The following RABEPK variants were observed in gnomAD, a reference collection of about 807,000 sequenced individuals.
The protein encoded by RABEPK is 40 kDa Rab9 effector protein.
Under a neutral mutation model 34.1 loss-of-function variants are expected in RABEPK, and 27 were observed. The ratio of observed to expected loss-of-function variants is 0.79; its 90% CI spans 0.58 to 1.09. The LOEUF (loss-of-function observed/expected upper bound fraction) is 1.09. Among genes scored for constraint, RABEPK ranks in the 50% least tolerant of loss-of-function variants. RABEPK has a pLI of 0.00. For missense variants in RABEPK, 449 were observed against 462.6 expected (o/e 0.97, Z 0.27); for synonymous variants, 172 against 169.2 (o/e 1.02, Z -0.13).
At chr9:125,215,449 A>G (rs550641415) in intron 4 of RABEPK, among the ~76,000 whole-genome samples, 2 of 152,026 alleles carry the variant, frequency 1.3e-5, no homozygotes, top group South Asian at 4.2e-4. Context: ...AGCTGGGACT[A>G]CAGGCGCTTG....
intron 4 of RABEPK, among the ~76,000 whole-genome samples, chr9:125,214,035 T>G (rs1426704058): frequency 6.6e-6 from 1 of 151,514 alleles, no homozygotes; most frequent in African/African-American, 2.4e-5. Context: ...GGCAGGAGAA[T>G]CGCTTGAACC....
At chr9:125,230,830 C>T (rs1228639970) in intron 6 of RABEPK, among the ~76,000 whole-genome samples, 3 of 151,822 alleles carry the variant, frequency 2.0e-5, no homozygotes, top group South Asian at 2.1e-4. Context: ...CCACTGCGCC[C>T]GGCCGACAGA....
Position 125,232,600 on chromosome 9 carries a change from C to A in RABEPK, c.681C>A (p.Asp227Glu). The change falls in exon 7 of 8, where the codon GAC becomes GAA. Residue 227 changes from aspartate to glutamate, a missense_variant. Asp to Glu is a conservative substitution (Grantham distance 45, BLOSUM62 2). Transcript: ENST00000373538. ...YDDLHCIDIS[D>E]MKWQKLNPTG... ...GCTCTTTCTTTCTCTTGGCAGGTGA[C>A]ATGAAATGGCAGAAGCTAAATCCCA... is the stretch of plus-strand genomic sequence containing the variant. 6.2e-7 allele frequency: 1 copy of A among 1,611,168 alleles called. No homozygotes were observed. The highest frequency in any genetic ancestry group is 8.5e-7 in the Non-Finnish European group (1 of 1,178,628).
At chr9:125,228,718 C>CT (rs1831954778) in intron 6 of RABEPK, among the ~76,000 whole-genome samples, 1 of 149,668 alleles carries the variant, frequency 6.7e-6, no homozygotes, top group African/African-American at 2.5e-5. Context: ...AATCCCAGCA[C>CT]TTTGGGAGGC....
intron 7 of RABEPK, among the ~76,000 whole-genome samples, chr9:125,233,215 C>T (rs1832333375): frequency 6.6e-6 from 1 of 151,642 alleles, no homozygotes. Context: ...AGGTTTTTTT[C>T]CTTTTACTCC....
chr9:125,228,138 T>A, intron 6 of RABEPK, 79 bp downstream of exon 6: 2 of 1,227,288 alleles, frequency 1.6e-6, no homozygotes, highest in Non-Finnish European at 2.1e-6. Context: ...GATCTCTGTC[T>A]GTCACTCAGG....
intron 6 of RABEPK, among the ~76,000 whole-genome samples, chr9:125,228,716 C>A (rs10986657): frequency 0.013 from 1,956 of 150,470 alleles, 104 homozygotes; most frequent in East Asian, 0.084. Flanking sequence ...GTAATCCCAG[C>A]ACTTTGGGAG....
At chr9:125,213,572 T>G in intron 4 of RABEPK, 50 bp downstream of exon 4, 2 of 1,430,694 alleles carry the variant, frequency 1.4e-6, no homozygotes, top group Non-Finnish European at 2.0e-6. Context: ...TAAACTTTCA[T>G]GCACACACAC....
At chr9:125,223,608 A>G (rs960860923) in intron 5 of RABEPK, among the ~76,000 whole-genome samples, 2 of 151,936 alleles carry the variant, frequency 1.3e-5, no homozygotes. Flanking sequence ...ACTCATGCCT[A>G]TAATCCCATC....
chr9:125,213,343 C>T (rs372428686), intron 3 of RABEPK, 27 bp from the exon 4 acceptor site: 7 of 1,602,940 alleles, frequency 4.4e-6, no homozygotes, highest in Non-Finnish European at 6.0e-6. Flanking sequence ...CAGCCCCAAT[C>T]TAGGAACTGG....
intron 5 of RABEPK, chr9:125,221,189 A>G (rs1831306921): frequency 6.6e-6 from 1 of 151,368 alleles, no homozygotes; most frequent in Non-Finnish European, 1.5e-5. Context: ...TAAATAAATA[A>G]ATAAATAAAT....
chr9:125,215,272 T>C (rs1263539583), intron 4 of RABEPK, among the ~76,000 whole-genome samples: 1 of 116,674 alleles, frequency 8.6e-6, no homozygotes, highest in Non-Finnish European at 1.7e-5. Context: ...GTTAATATAA[T>C]ATCATTTGTT....
intron 5 of RABEPK, among the ~76,000 whole-genome samples, chr9:125,226,437 A>C (rs1831754076): frequency 6.6e-6 from 1 of 152,148 alleles, no homozygotes; most frequent in Non-Finnish European, 1.5e-5. Context: ...AAATAAATAA[A>C]TAACAAGGCT....
In RABEPK at chr9:125,200,881, A is replaced by G; in HGVS notation, c.-32A>G. Reference sequence around the variant, plus strand: ...CCTAACTGAGCTCTGGACTTTGGGGACAGCTGTCAGTGGCCTAGGCCGCAG... The same window carrying G: ...CCTAACTGAGCTCTGGACTTTGGGGGCAGCTGTCAGTGGCCTAGGCCGCAG... On this transcript the variant is annotated 5_prime_UTR_variant, in exon 1 of 8. Transcript: ENST00000373538. 2.1e-6 allele frequency: 1 copy of G among 471,052 alleles called. No homozygotes were observed. The highest frequency in any genetic ancestry group is 4.4e-6 in the Non-Finnish European group (1 of 227,016). 29.2% of individuals were successfully genotyped at this position (471,052 alleles called of 1,614,324 possible). A position where few individuals can be genotyped will look rare whatever the true frequency, so the allele number is the denominator to read the frequency against.
At chr9:125,211,796 C>T (rs2131382177) in intron 3 of RABEPK, among the ~76,000 whole-genome samples, 1 of 152,224 alleles carries the variant, frequency 6.6e-6, no homozygotes, top group East Asian at 1.9e-4. Context: ...GGTGAAACCC[C>T]CATCTCTACT....
At chr9:125,212,458 A>G (rs1239742843) in intron 3 of RABEPK, among the ~76,000 whole-genome samples, 1 of 152,052 alleles carries the variant, frequency 6.6e-6, no homozygotes, top group East Asian at 1.9e-4. Flanking sequence ...TGACCTCATG[A>G]TCCGCCCACC....
In RABEPK at chr9:125,223,434, T is replaced by A. The variant is rs541530201; in HGVS notation, c.526+2734T>A. Among the ~76,000 whole-genome samples the A allele has an allele frequency of 2.6e-3, 401 of 152,198 alleles. 3 individuals carry two copies. Among genetic ancestry groups the A allele is most frequent in the African/African-American group, 9.4e-3 (390 of 41,552 alleles). ...TCACGCCACTGCACTCTAGCCTGGG[T>A]GACAGAGCAAGGCTCTGTCTCAAAA... On this transcript the variant is annotated intron_variant, in intron 5 of 7. Coordinates refer to ENST00000373538, the MANE Select transcript of RABEPK (RefSeq NM_005833.4).
intron 6 of RABEPK, among the ~76,000 whole-genome samples, chr9:125,228,678 A>AT (rs1831951388): frequency 6.7e-6 from 1 of 149,396 alleles, no homozygotes; most frequent in African/African-American, 2.5e-5. Context: ...GAAAAAAAAA[A>AT]AAAAGCCGGG....
chr9:125,217,976 T>G (rs879473604), intron 4 of RABEPK, among the ~76,000 whole-genome samples: 2 of 151,838 alleles, frequency 1.3e-5, no homozygotes, highest in African/African-American at 4.8e-5. Flanking sequence ...AAAGACAGAA[T>G]TTCTTGGTGT....
Sources: allele counts gnomAD v4.1 joint callset (sites outside exome capture counted in the v4.1 genomes callset), GRCh38; gene constraint gnomAD v4.1.1; transcripts MANE v1.5; gene names NCBI Gene and HGNC (gene_info 2026-07-23, HGNC 2026-07-21).